The following LNX1 variants were observed in gnomAD, a reference collection of about 807,000 sequenced individuals.
LNX1 encodes E3 ubiquitin-protein ligase LNX.
Under a neutral mutation model 68.4 loss-of-function variants are expected in LNX1, and 54 were observed. The ratio of observed to expected loss-of-function variants is 0.79; its 90% CI spans 0.63 to 0.99. The LOEUF is 0.99. Among genes scored for constraint, LNX1 ranks in the 50% least tolerant of loss-of-function variants. The pLI, the probability that LNX1 is intolerant of heterozygous loss-of-function variation, is 0.00. For synonymous variants in LNX1, 336 were observed against 350.0 expected (o/e 0.96, Z 0.45); for missense variants, 906 against 926.4 (o/e 0.98, Z 0.29).
At chr4:53,525,455 G>A (rs1215113008) in intron 2 of LNX1, among the ~76,000 whole-genome samples, 3 of 152,176 alleles carry the variant, frequency 2.0e-5, no homozygotes, top group Admixed American at 6.5e-5. Flanking sequence ...ACTGCAGAGT[G>A]GGTGACAGCA....
rs577405061 is a variant in LNX1 at position 53,616,935 on chromosome 4, G to T, written c.-284+313C>A. Among the ~76,000 whole-genome samples the T allele has an allele frequency of 7.2e-5, 11 of 152,232 alleles. No individual in the cohort carries two copies. In the South Asian group the frequency reaches 2.1e-3, roughly 29 times the overall value. On this transcript the variant is annotated intron_variant, in intron 1 of 3. Coordinates refer to the LNX1 transcript ENST00000504299. ...GTATTAAGCATAGTCATTTATAAAA[G>T]TTCCCTGACTATAAATCACCCATAA...
chr4:53,526,420 A>G (rs1727614312), intron 2 of LNX1, among the ~76,000 whole-genome samples: 1 of 151,796 alleles, frequency 6.6e-6, no homozygotes, highest in African/African-American at 2.4e-5. Context: ...TGGGGAAACC[A>G]ACAAATGCAA....
chr4:53,546,483 G>A (rs892100247), intron 2 of LNX1, among the ~76,000 whole-genome samples: 4 of 152,110 alleles, frequency 2.6e-5, no homozygotes, highest in Non-Finnish European at 5.9e-5. Flanking sequence ...TGCTTCCTCA[G>A]GACACATATC....
intron 9 of LNX1, among the ~76,000 whole-genome samples, chr4:53,465,209 A>ATCTT (rs1476983937): frequency 6.6e-6 from 1 of 152,216 alleles, no homozygotes; most frequent in African/African-American, 2.4e-5. Flanking sequence ...CCCAGTTTAC[A>ATCTT]TCTTTAAAAA....
intron 9 of LNX1, among the ~76,000 whole-genome samples, chr4:53,466,833 A>G (rs1430383719): frequency 6.6e-6 from 1 of 152,226 alleles, no homozygotes; most frequent in Non-Finnish European, 1.5e-5. Context: ...GTGGCCTGGA[A>G]GCTCAAACTG....
intron 1 of LNX1, among the ~76,000 whole-genome samples, chr4:53,581,299 G>T (rs1731821931): frequency 6.6e-6 from 1 of 152,124 alleles, no homozygotes; most frequent in Non-Finnish European, 1.5e-5. Context: ...AACATGAAGA[G>T]TAGGTATATC....
intron 2 of LNX1, chr4:53,524,201 C>A (rs747254132): frequency 1.3e-5 from 2 of 152,088 alleles, no homozygotes; most frequent in African/African-American, 4.8e-5. Flanking sequence ...ATAGTGAAAG[C>A]TTTCACTAGA....
At chr4:53,592,748 A>C (rs568175890), upstream of LNX1, among the ~76,000 whole-genome samples, 94 of 151,322 alleles carry the variant, frequency 6.2e-4, no homozygotes, top group African/African-American at 2.1e-3. Flanking sequence ...GGTTTGGGGG[A>C]GGGTGGAGGA....
chr4:53,552,619 A>G (rs1729589864), intron 2 of LNX1, among the ~76,000 whole-genome samples: 1 of 152,120 alleles, frequency 6.6e-6, no homozygotes, highest in Non-Finnish European at 1.5e-5. Flanking sequence ...ACCTGAGATC[A>G]GGAGTTCGAG....
intron 1 of LNX1, among the ~76,000 whole-genome samples, chr4:53,585,907 G>T (rs1160216488): frequency 6.6e-6 from 1 of 152,084 alleles, no homozygotes; most frequent in African/African-American, 2.4e-5. Flanking sequence ...TATTTCCAGG[G>T]GTATTCCTGC....
chr4:53,549,528 C>T (rs1577697774), intron 2 of LNX1: 1 of 114,676 alleles, frequency 8.7e-6, no homozygotes, highest in African/African-American at 2.9e-5. Context: ...GCTCATGATT[C>T]ACACAAACTA....
At chr4:53,577,580 CTATTAT>C (rs1171624385) in intron 1 of LNX1, among the ~76,000 whole-genome samples, 1 of 152,042 alleles carries the variant, frequency 6.6e-6, no homozygotes, top group South Asian at 2.1e-4. Flanking sequence ...TCTGCCATTA[CTATTAT>C]TATTATTTTT....
intron 6 of LNX1, among the ~76,000 whole-genome samples, chr4:53,490,586 C>G (rs1724613742): frequency 6.6e-6 from 1 of 152,180 alleles, no homozygotes; most frequent in African/African-American, 2.4e-5. Context: ...TGTGGCCTCT[C>G]TGTAATAACT....
intron 2 of LNX1, among the ~76,000 whole-genome samples, chr4:53,543,176 T>C (rs1332689106): frequency 1.3e-5 from 2 of 152,228 alleles, no homozygotes; most frequent in Non-Finnish European, 2.9e-5. Flanking sequence ...GCTACTGTTA[T>C]CCGAAGGTCA....
chr4:53,509,892 G>A (rs1726201241), intron 2 of LNX1, among the ~76,000 whole-genome samples: 1 of 152,128 alleles, frequency 6.6e-6, no homozygotes, highest in Admixed American at 6.5e-5. Flanking sequence ...CCATTGAGTT[G>A]CCTACATACT....
chr4:53,498,794 G>A lies in LNX1; in HGVS notation c.825C>T (p.Ile275=). 6.2e-7 allele frequency: 1 copy of A among 1,614,082 alleles called. No individual in the cohort carries two copies. The highest frequency in any genetic ancestry group is 8.5e-7 in the Non-Finnish European group (1 of 1,180,002). ...HLIPDGEITS[I]KINRVDPSES... is the part of the protein sequence containing the mutation. The stretch of plus-strand genomic sequence containing the variant: ...CACTGGGATCTACTCGATTGATCTT[G>A]ATGCTGGTAATTTCACCATCTGGAA... The change falls in exon 5 of 11, where the codon ATC becomes ATT. Residue 275 remains isoleucine, a synonymous_variant. Coordinates refer to ENST00000263925, the MANE Select transcript of LNX1 (RefSeq NM_001126328.3).
chr4:53,470,180 G>C (rs1289564066), intron 9 of LNX1, among the ~76,000 whole-genome samples: 2 of 152,164 alleles, frequency 1.3e-5, no homozygotes, highest in Admixed American at 1.3e-4. Context: ...TGGAAGGCTG[G>C]TTCAACATAT....
intron 9 of LNX1, among the ~76,000 whole-genome samples, chr4:53,471,290 G>T (rs1261716498): frequency 6.6e-6 from 1 of 151,934 alleles, no homozygotes; most frequent in Non-Finnish European, 1.5e-5. Flanking sequence ...CTAGCCATAC[G>T]TAGAGAGCTG....
chr4:53,576,156 G>GCTGC, intron 1 of LNX1: 1 of 1,567,840 alleles, frequency 6.4e-7, no homozygotes, highest in Non-Finnish European at 8.6e-7. Flanking sequence ...AGGGGGCCTG[G>GCTGC]CTGCCCCATG....
Sources: gnomAD v4.1 joint callset for allele counts (sites outside exome capture counted in the v4.1 genomes callset) on GRCh38, gnomAD v4.1.1 for gene constraint, MANE v1.5 for transcripts, NCBI Gene and HGNC (gene_info 2026-07-23, HGNC 2026-07-21) for gene names.